The following CEP112 variants were observed in gnomAD, a reference collection of about 807,000 sequenced individuals.
CEP112 encodes the protein centrosomal protein 112, also known as centrosomal protein of 112 kDa.
CEP112 carries 127 observed loss-of-function variants against 153.0 expected under a neutral mutation model. That is an observed-to-expected ratio of 0.83 (90% CI 0.72 to 0.96). The LOEUF is 0.96. Among genes scored for constraint, CEP112 ranks in the 40% least tolerant of loss-of-function variants. CEP112 has a pLI of 0.00. For synonymous variants in CEP112, 358 were observed against 374.4 expected, an observed-to-expected ratio of 0.96 and a Z score of 0.51; for missense variants, 1,089 against 1,101.2, an observed-to-expected ratio of 0.99 and a Z score of 0.16.
chr17:65,902,070 A>G (rs1421415542), intron 20 of CEP112, 82 bp downstream of exon 20: 22 of 1,005,992 alleles, frequency 2.2e-5, no homozygotes, highest in Non-Finnish European at 3.2e-5. Flanking sequence ...AGCGTGCATC[A>G]ATAAGAATAA....
At chr17:65,791,270 C>T (rs2054575858) in intron 21 of CEP112, among the ~76,000 whole-genome samples, 1 of 152,094 alleles carries the variant, frequency 6.6e-6, no homozygotes, top group South Asian at 2.1e-4. Context: ...AAATATTTCT[C>T]CAAACAGGAT....
At chr17:66,072,429 A>G (rs1249235738) in intron 8 of CEP112, among the ~76,000 whole-genome samples, 1 of 152,184 alleles carries the variant, frequency 6.6e-6, no homozygotes, top group Admixed American at 6.5e-5. Context: ...CACATCAACT[A>G]TTTATTTCTC....
At chr17:66,176,071 G>A (rs16958921) in intron 3 of CEP112, among the ~76,000 whole-genome samples, 37,084 of 152,008 alleles carry the variant, frequency 0.24, 4,707 homozygotes, top group Middle Eastern at 0.36. Flanking sequence ...TGGAAAACAG[G>A]AATTATTCTC....
intron 18 of CEP112, among the ~76,000 whole-genome samples, chr17:65,956,405 T>TACACACACACACACACACACAC (rs535606142): frequency 6.9e-6 from 1 of 144,966 alleles, no homozygotes; most frequent in Non-Finnish European, 1.5e-5. Flanking sequence ...TATACATACA[T>TACACACACACACACACACACAC]ACATACACAC....
chr17:65,774,958 T>C (rs1274870548), intron 21 of CEP112, among the ~76,000 whole-genome samples: 1 of 152,040 alleles, frequency 6.6e-6, no homozygotes, highest in East Asian at 1.9e-4. Context: ...GAAGGAGACA[T>C]GCAGGAAAGG....
intron 10 of CEP112, among the ~76,000 whole-genome samples, chr17:66,063,519 T>A (rs763650898): frequency 4.6e-5 from 7 of 152,026 alleles, no homozygotes; most frequent in Non-Finnish European, 7.4e-5. Flanking sequence ...AAAGGGGGTG[T>A]GGGCTAAAAA....
At chr17:65,909,794 T>C (rs969920239) in intron 19 of CEP112, among the ~76,000 whole-genome samples, 1 of 152,204 alleles carries the variant, frequency 6.6e-6, no homozygotes, top group South Asian at 2.1e-4. Flanking sequence ...GAGAAGATTC[T>C]GACATGGTTT....
At chr17:65,703,810 T>C (rs554479985) in intron 23 of CEP112, among the ~76,000 whole-genome samples, 36 of 84,530 alleles carry the variant, frequency 4.3e-4, no homozygotes, top group African/African-American at 4.2e-3. Flanking sequence ...CAAATTAAAA[T>C]GTACAAAAAA....
At chr17:65,805,470 G>T (rs898227220) in intron 21 of CEP112, among the ~76,000 whole-genome samples, 1 of 152,150 alleles carries the variant, frequency 6.6e-6, no homozygotes, top group East Asian at 1.9e-4. Flanking sequence ...AGATTTTATT[G>T]TAGGGAATCT....
At chr17:65,959,245 G>A (rs1425809904) in intron 18 of CEP112, among the ~76,000 whole-genome samples, 3 of 152,054 alleles carry the variant, frequency 2.0e-5, no homozygotes, top group Non-Finnish European at 4.4e-5. Flanking sequence ...GGGACTACCT[G>A]TCTGCAGAGA....
chr17:65,810,829 A>G (rs1336898178), intron 21 of CEP112, among the ~76,000 whole-genome samples: 2 of 152,198 alleles, frequency 1.3e-5, no homozygotes, highest in African/African-American at 4.8e-5. Context: ...TGAAGACCTT[A>G]GACAGAGGTA....
At chr17:65,760,778 A>ATC (rs1340481417) in intron 21 of CEP112, among the ~76,000 whole-genome samples, 1 of 152,024 alleles carries the variant, frequency 6.6e-6, no homozygotes, top group Non-Finnish European at 1.5e-5. Context: ...GTTAGGAATT[A>ATC]TTTCCTCTGT....
At chr17:65,708,837 G>A (rs555772461) in intron 23 of CEP112, among the ~76,000 whole-genome samples, 32 of 152,296 alleles carry the variant, frequency 2.1e-4, no homozygotes, top group African/African-American at 7.7e-4. Flanking sequence ...CTTCCTGTTT[G>A]TCTTTGACCC....
intron 17 of CEP112, among the ~76,000 whole-genome samples, chr17:65,980,249 G>C (rs1295199454): frequency 6.6e-6 from 1 of 152,050 alleles, no homozygotes; most frequent in African/African-American, 2.4e-5. Context: ...TTTATATCAA[G>C]TAATAAAAAA....
chr17:65,920,405 A>ATATATATATATATATATAT (rs56723468), intron 19 of CEP112, among the ~76,000 whole-genome samples: 1 of 99,494 alleles, frequency 1.0e-5, no homozygotes, highest in East Asian at 3.1e-4. Flanking sequence ...ATATATATAT[A>ATATATATATATATATATAT]ATTATAATAT....
At chr17:66,106,937 T>A (rs566957529) in intron 6 of CEP112, among the ~76,000 whole-genome samples, 2 of 151,982 alleles carry the variant, frequency 1.3e-5, no homozygotes, top group East Asian at 1.9e-4. Flanking sequence ...TAAAAAAAAA[T>A]CATTCATCAT....
chr17:65,851,846 C>T lies in CEP112; in HGVS notation c.2352G>A (p.Leu784=), dbSNP rs745679581. 1 of 1,613,862 alleles carries T rather than the reference C, an allele frequency of 6.2e-7. No individual in the cohort carries two copies. The change falls in exon 21 of 27, where the codon CTG becomes CTA. Residue 784 remains leucine (L), a synonymous_variant. Transcript: ENST00000535342. Reference sequence around the variant, plus strand: ...CTGTCTCAGCAGCATGAGTCTTTTTCAGCTCTATTTTCATCTTTTCTGATT... The same window carrying T: ...CTGTCTCAGCAGCATGAGTCTTTTTTAGCTCTATTTTCATCTTTTCTGATT... The part of the protein sequence containing the change: ...KAESEKMKIE[L]KKTHAAETEM...
intron 17 of CEP112, among the ~76,000 whole-genome samples, chr17:65,970,499 C>T (rs5015872): frequency 0.45 from 54,112 of 121,414 alleles, 14,299 homozygotes; most frequent in East Asian, 0.9. Flanking sequence ...ACACTACATG[C>T]ATATTATATG....
intron 21 of CEP112, among the ~76,000 whole-genome samples, chr17:65,794,720 G>A (rs1283101506): frequency 6.6e-6 from 1 of 152,150 alleles, no homozygotes; most frequent in Non-Finnish European, 1.5e-5. Flanking sequence ...GACAACCTTG[G>A]ACACCCTCCT....
Sources: allele counts gnomAD v4.1 joint callset (sites outside exome capture counted in the v4.1 genomes callset), GRCh38; gene constraint gnomAD v4.1.1; transcripts MANE v1.5; gene names NCBI Gene and HGNC (gene_info 2026-07-23, HGNC 2026-07-21).